The following PARL variants were observed in gnomAD, a reference collection of about 807,000 sequenced individuals.
PARL encodes the protein presenilin-associated rhomboid-like protein, mitochondrial.
Under a neutral mutation model 51.6 loss-of-function variants are expected in PARL, and 44 were observed. That is an observed-to-expected ratio of 0.85 (90% CI 0.67 to 1.10). The LOEUF (loss-of-function observed/expected upper bound fraction) is 1.10, where lower values mean the gene tolerates loss of function less well. Among genes scored for constraint, PARL ranks in the 50% least tolerant of loss-of-function variants. PARL has a pLI of 0.00. For missense variants in PARL, 441 were observed against 469.5 expected (o/e 0.94, Z 0.56); for synonymous variants, 172 against 164.0 (o/e 1.05, Z -0.37).
intron 2 of PARL, among the ~76,000 whole-genome samples, 182 bp from the exon 3 acceptor site, chr3:183,866,947 C>G (rs149779639): frequency 1.1e-3 from 164 of 151,724 alleles, no homozygotes; most frequent in African/African-American, 3.8e-3. Flanking sequence ...GAGTTTCACT[C>G]TTGTCTCCCA....
chr3:183,867,181 G>A (rs916678149), intron 2 of PARL, among the ~76,000 whole-genome samples: 3 of 152,040 alleles, frequency 2.0e-5, no homozygotes, highest in Non-Finnish European at 4.4e-5. Flanking sequence ...CCAGTGCTGG[G>A]ATTACAGGCA....
At chr3:183,864,041 T>A (rs1203059727) in intron 3 of PARL, among the ~76,000 whole-genome samples, 1 of 152,228 alleles carries the variant, frequency 6.6e-6, no homozygotes, top group Non-Finnish European at 1.5e-5. Flanking sequence ...TATAGCTTTG[T>A]AAGAGATCCA....
Position 183,861,270 on chromosome 3 carries a change from T to A in PARL, c.511+1483A>T, listed in dbSNP as rs919871351. 4.1e-6 allele frequency: 4 copies of A among 973,436 alleles called. No homozygotes were observed. In the African/African-American group the frequency reaches 7.0e-5, roughly 17 times the overall value. The allele number at this position is 973,436 out of a possible 1,614,324, so 60.3% of individuals were successfully genotyped here. On this transcript the variant is annotated intron_variant, in intron 4 of 9. Coordinates refer to ENST00000317096, the MANE Select transcript of PARL (RefSeq NM_018622.7). ...TTATGGCAACACTGAAAAATCTCAA[T>A]CCCTTGGTTAAGATTCCATTCAACA...
chr3:183,871,808 T>C (rs1733249914), intron 1 of PARL, among the ~76,000 whole-genome samples: 3 of 152,120 alleles, frequency 2.0e-5, no homozygotes, highest in Admixed American at 6.6e-5. Context: ...CACAGGTGTA[T>C]ACATTAATCA....
chr3:183,859,035 G>A (rs1281057151), intron 4 of PARL, among the ~76,000 whole-genome samples: 10 of 152,144 alleles, frequency 6.6e-5, no homozygotes, highest in African/African-American at 2.2e-4. Context: ...CGCCGGGCGC[G>A]GTGGCTCACG....
rs11364933 is a variant in PARL, at chr3:183,872,000, A to ATT, written c.126-3942_126-3941dup. On this transcript the variant is annotated intron_variant, in intron 1 of 9. Transcript: ENST00000317096. ...TACTACTATTACTTGCCTAGAATGC[A>ATT]TTTTTTTTTTTTTTTTTTGAGATGG... is the stretch of plus-strand genomic sequence containing the variant. 3.7e-3 allele frequency among the ~76,000 whole-genome samples: 457 copies of ATT among 122,586 alleles called. 1 individual carries two copies. The highest frequency in any genetic ancestry group is 0.013 in the African/African-American group (433 of 32,474). The allele number at this position is 122,586 out of a possible 152,430, so 80.4% of individuals were successfully genotyped here.
intron 4 of PARL, among the ~76,000 whole-genome samples, chr3:183,848,877 C>G (rs577530432): frequency 6.6e-6 from 1 of 152,256 alleles, no homozygotes; most frequent in African/African-American, 2.4e-5. Flanking sequence ...CTGAAAACCT[C>G]TAACATATTC....
chr3:183,850,668 G>A (rs898389989), intron 4 of PARL, among the ~76,000 whole-genome samples: 6 of 152,062 alleles, frequency 3.9e-5, no homozygotes, highest in East Asian at 1.9e-4. Context: ...TATCACCTCC[G>A]TATCAAAACC....
chr3:183,846,095 A>G (rs758394792), intron 4 of PARL, among the ~76,000 whole-genome samples: 2 of 152,150 alleles, frequency 1.3e-5, no homozygotes, highest in Non-Finnish European at 2.9e-5. Context: ...ACAGACACAC[A>G]GCACACCCAG....
At chr3:183,852,580 G>A (rs557894147) in intron 4 of PARL, among the ~76,000 whole-genome samples, 5 of 152,100 alleles carry the variant, frequency 3.3e-5, no homozygotes, top group South Asian at 2.1e-4. Context: ...TAGTAGTGAC[G>A]GTTATACAAC....
intron 1 of PARL, among the ~76,000 whole-genome samples, chr3:183,876,613 A>T (rs1466292959): frequency 1.4e-3 from 16 of 11,286 alleles, no homozygotes; most frequent in African/African-American, 7.4e-3. Context: ...CATTTTGTAA[A>T]AAAAAAAAAA....
intron 4 of PARL, among the ~76,000 whole-genome samples, chr3:183,861,868 C>T (rs903357824): frequency 5.3e-5 from 8 of 152,130 alleles, no homozygotes; most frequent in African/African-American, 1.9e-4. Context: ...CTCTGCCTCC[C>T]AGGTTCAAAA....
At chr3:183,872,542 C>T (rs1172760448) in intron 1 of PARL, among the ~76,000 whole-genome samples, 2 of 152,174 alleles carry the variant, frequency 1.3e-5, no homozygotes, top group African/African-American at 4.8e-5. Flanking sequence ...TGGCTCTTAA[C>T]TCCCTTCAGA....
chr3:183,830,660 C>T (rs1727832308), intron 9 of PARL, among the ~76,000 whole-genome samples: 1 of 152,130 alleles, frequency 6.6e-6, no homozygotes, highest in African/African-American at 2.4e-5. Flanking sequence ...TCCCAGACAC[C>T]TGACTGAAAA....
Position 183,842,458 on chromosome 3 carries a change from G to A in PARL, c.608-11C>T, listed in dbSNP as rs780707372. 1.7e-5 allele frequency: 27 copies of A among 1,610,336 alleles called. No homozygotes were observed. In the Admixed American group the frequency reaches 4.0e-4, roughly 24 times the overall value. ...GAGAACAAAGGACCTCTACAAGAGA[G>A]AGAAACATAGTCTGGTAATCATGAA... On this transcript the variant is annotated splice_polypyrimidine_tract_variant and intron_variant, in intron 5 of 9. Transcript: ENST00000317096.
intron 1 of PARL, among the ~76,000 whole-genome samples, chr3:183,877,843 C>T (rs1023382562): frequency 2.9e-4 from 44 of 151,158 alleles, no homozygotes; most frequent in African/African-American, 8.0e-4. Flanking sequence ...CAGGCTGGAG[C>T]GCAGTGGCAT....
intron 4 of PARL, among the ~76,000 whole-genome samples, chr3:183,853,717 A>T (rs1730813583): frequency 1.3e-5 from 2 of 152,240 alleles, no homozygotes; most frequent in African/African-American, 4.8e-5. Flanking sequence ...TCAAAACCAC[A>T]GTGAGGTATT....
At chr3:183,884,700 A>C (rs1577415823) in intron 1 of PARL, 22 bp downstream of exon 1, 1 of 1,582,280 alleles carries the variant, frequency 6.3e-7, no homozygotes. Flanking sequence ...AGGCGAGAAG[A>C]CCAGAGCGCG....
chr3:183,829,556 G>C lies in PARL; in HGVS notation c.*42C>G. The C allele has an allele frequency of 1.2e-6, 2 of 1,614,132 alleles. No individual in the cohort carries two copies. The highest frequency in any genetic ancestry group is 1.7e-6 in the Non-Finnish European group (2 of 1,180,036). ...TAGCCGATGTCTCCTGGGGCTCTCAGGCGGCAAGGACCAGATGCACCACTA... is the reference window on the plus strand; with the variant it reads ...TAGCCGATGTCTCCTGGGGCTCTCACGCGGCAAGGACCAGATGCACCACTA... On this transcript the variant is annotated 3_prime_UTR_variant, in exon 10 of 10. Coordinates refer to ENST00000317096, the MANE Select transcript of PARL (RefSeq NM_018622.7).
Sources: gnomAD v4.1 joint callset for allele counts (sites outside exome capture counted in the v4.1 genomes callset) on GRCh38, gnomAD v4.1.1 for gene constraint, MANE v1.5 for transcripts, NCBI Gene and HGNC (gene_info 2026-07-23, HGNC 2026-07-21) for gene names.